ADAMTS7: variants seen among roughly 807,000 people sequenced by gnomAD.
ADAMTS7 encodes A disintegrin and metalloproteinase with thrombospondin motifs 7.
ADAMTS7 carries 89 observed loss-of-function variants against 172.6 expected under a neutral mutation model. That is an observed-to-expected ratio of 0.52 (90% CI 0.43 to 0.61). The LOEUF is 0.61. Ranked by LOEUF, ADAMTS7 falls within the 20% of genes least tolerant of loss-of-function variation. The pLI is 0.00. For missense variants in ADAMTS7, 1,973 were observed against 2,355.6 expected, an observed-to-expected ratio of 0.84 and a Z score of 3.36; for synonymous variants, 885 against 978.4, an observed-to-expected ratio of 0.90 and a Z score of 1.78.
At position 78,771,114 on chromosome 15, in the gene ADAMTS7, C is replaced by A; in HGVS notation, c.2518+48G>T. The A allele has an allele frequency of 6.5e-7, 1 of 1,541,180 alleles. No homozygotes were observed. Among genetic ancestry groups the A allele is most frequent in the East Asian group, 2.4e-5 (1 of 41,490 alleles). The stretch of plus-strand genomic sequence containing the variant: ...GGGAGCTGAAGCCAGTGTCCCTGTC[C>A]AGACACTAAGCCCCTGCAGGTGGGG... On this transcript the variant is annotated intron_variant, in intron 16 of 23. Transcript: ENST00000388820. This position sits in a 1 kb window ranked among gnomAD's most constrained non-coding sequence, Gnocchi z 4.9.
At chr15:78,794,044 G>A (rs112427226) in intron 4 of ADAMTS7, among the ~76,000 whole-genome samples, 2,000 of 152,220 alleles carry the variant, frequency 0.013, 23 homozygotes, top group Middle Eastern at 0.12. Context: ...GGGCAGAATA[G>A]CCTGGCCAAT....
intron 1 of ADAMTS7, among the ~76,000 whole-genome samples, chr15:78,807,526 G>A (rs141859046): frequency 5.6e-4 from 85 of 152,348 alleles, no homozygotes; most frequent in African/African-American, 2.0e-3. Context: ...TCTAGAGCCA[G>A]AGAGGCTGTG....
intron 23 of ADAMTS7, 151 bp downstream of exon 23, chr15:78,762,252 T>A (rs1447851857): frequency 9.3e-7 from 1 of 1,074,828 alleles, no homozygotes. Context: ...TCCTGTGGCA[T>A]CAGGATTTTC....
intron 8 of ADAMTS7, among the ~76,000 whole-genome samples, chr15:78,784,182 A>G (rs1567226514): frequency 1.3e-5 from 2 of 151,766 alleles, no homozygotes; most frequent in Non-Finnish European, 2.9e-5. Flanking sequence ...ACACGGCAAA[A>G]CCCCATCTCT....
At chr15:78,777,625 C>T (rs188136546) in intron 8 of ADAMTS7, 37 bp from the exon 9 acceptor site, 4 of 1,580,436 alleles carry the variant, frequency 2.5e-6, no homozygotes, top group Middle Eastern at 1.7e-4. Context: ...GGGGCGCAGC[C>T]TGTGAGACCC....
Position 78,798,824 on chromosome 15 carries a change from G to A in ADAMTS7, c.457-711C>T, listed in dbSNP as rs146298934. Among the ~76,000 whole-genome samples, 474 of 152,246 alleles carry A rather than the reference G, an allele frequency of 3.1e-3. 12 individuals carry two copies. In the East Asian group the frequency reaches 0.066, roughly 21 times the overall value. On this transcript the variant is annotated intron_variant, in intron 2 of 23. Transcript: ENST00000388820. ...CAGGAAAGAAGGTTTTATGTCCCTC[G>A]GACTTCCCCTCATAGGCACCAATTC...
intron 1 of ADAMTS7, among the ~76,000 whole-genome samples, chr15:78,804,349 C>T (rs2055762477): frequency 6.6e-6 from 1 of 152,200 alleles, no homozygotes; most frequent in Non-Finnish European, 1.5e-5. Context: ...GCTTTCCCCC[C>T]TCTTTTCCCT....
At chr15:78,761,188 G>A (rs1163880630) in intron 23 of ADAMTS7, among the ~76,000 whole-genome samples, 1 of 152,264 alleles carries the variant, frequency 6.6e-6, no homozygotes, top group African/African-American at 2.4e-5. Flanking sequence ...AGCGAGGCAT[G>A]GCAGGGGCCA....
chr15:78,797,096 C>T (rs1413710954), intron 3 of ADAMTS7, among the ~76,000 whole-genome samples: 2 of 152,222 alleles, frequency 1.3e-5, no homozygotes, highest in Non-Finnish European at 2.9e-5. Flanking sequence ...GGGAGGGGAA[C>T]TCCTGGGCCT....
At chr15:78,800,568 A>C in intron 1 of ADAMTS7, 21 bp from the exon 2 acceptor site, 5 of 1,567,060 alleles carry the variant, frequency 3.2e-6, no homozygotes, top group Non-Finnish European at 4.3e-6. Context: ...AGAACCACAA[A>C]CGCCTAGGCC....
At chr15:78,787,547 C>T (rs1265895668) in intron 8 of ADAMTS7, among the ~76,000 whole-genome samples, 3 of 152,056 alleles carry the variant, frequency 2.0e-5, no homozygotes, top group African/African-American at 7.2e-5. Flanking sequence ...GCCTGTAGTC[C>T]CAGCTACTCA....
chr15:78,790,584 G>A (rs1210754608), intron 6 of ADAMTS7, 86 bp downstream of exon 6: 13 of 1,560,900 alleles, frequency 8.3e-6, no homozygotes, highest in South Asian at 3.5e-5. Flanking sequence ...CTGACAGCAC[G>A]GCCCCCTCCT....
chr15:78,788,818 A>G (rs2055541188), intron 7 of ADAMTS7, among the ~76,000 whole-genome samples: 1 of 152,272 alleles, frequency 6.6e-6, no homozygotes. Flanking sequence ...AAAGGTCTCC[A>G]GAGACCATCC....
chr15:78,766,937 G>A lies in ADAMTS7; in HGVS notation c.2974C>T (p.Pro992Ser). The change falls in exon 19 of 24, where the codon CCA (proline) becomes TCA (serine). Residue 992 changes from proline (P) to serine (S), a missense_variant. Physicochemically the swap from Pro to Ser is moderately conservative, Grantham distance 74. Coordinates refer to ENST00000388820, the MANE Select transcript of ADAMTS7 (RefSeq NM_014272.5). ...GTGCCCAGGGGCCACCGACAGAGTG[G>A]CAGAGAGCAGGTGACTTCGCTGGCT... ...QPASEVTCSL[P>S]LCRWPLGTLG... The A allele has an allele frequency of 1.2e-6, 2 of 1,610,872 alleles. No homozygotes were observed. Among genetic ancestry groups the A allele is most frequent in the African/African-American group, 2.7e-5 (2 of 74,988 alleles).
chr15:78,801,419 TTCTC>T (rs899862705), intron 1 of ADAMTS7, among the ~76,000 whole-genome samples: 11 of 152,170 alleles, frequency 7.2e-5, no homozygotes, highest in Non-Finnish European at 1.6e-4. Context: ...TGGAACACTC[TTCTC>T]TCTGTTTTCC....
Position 78,811,298 on chromosome 15 carries a change from G to A in ADAMTS7, c.-78C>T. 4 of 1,217,270 alleles carry A rather than the reference G, an allele frequency of 3.3e-6. No homozygotes were observed. The highest frequency in any genetic ancestry group is 4.1e-6 in the Non-Finnish European group (4 of 978,606). 75.4% of individuals were successfully genotyped at this position (1,217,270 alleles called of 1,614,324 possible). On this transcript the variant is annotated 5_prime_UTR_variant, in exon 1 of 24. Coordinates refer to ENST00000388820, the MANE Select transcript of ADAMTS7 (RefSeq NM_014272.5). ...CCGTCCGGTCGCTGCCTGGTCCCAG[G>A]TCCGGCTCAGGACATGCCCGGCCGG...
chr15:78,776,049 T>C lies in ADAMTS7; in HGVS notation c.1706+139A>G, dbSNP rs560269127. 902 of 1,171,196 alleles carry C rather than the reference T, an allele frequency of 7.7e-4. 1 individual carries two copies. The highest frequency in any genetic ancestry group is 2.1e-3 in the Middle Eastern group (7 of 3,316). 72.6% of individuals were successfully genotyped at this position (1,171,196 alleles called of 1,614,324 possible). A position where few individuals can be genotyped will look rare whatever the true frequency, so the allele number is the denominator to read the frequency against. The stretch of plus-strand genomic sequence containing the variant: ...AACACTCCTTGAAAGTGACTTAAGG[T>C]GGCCTGGACACTCGGACTGACCATT... On this transcript the variant is annotated intron_variant, in intron 11 of 23. Transcript: ENST00000388820.
At position 78,773,283 on chromosome 15, in the gene ADAMTS7, A is replaced by G; in HGVS notation, c.2011-80T>C. On this transcript the variant is annotated intron_variant, in intron 13 of 23. Coordinates refer to ENST00000388820, the MANE Select transcript of ADAMTS7 (RefSeq NM_014272.5). ...CCCAGCCCCGGGGCCAGCCAGAGTC[A>G]GGAGAAGAAAGCTGGGAGTTGGGGT... 3 of 1,326,996 alleles carry G rather than the reference A, an allele frequency of 2.3e-6. No individual in the cohort carries two copies. The South Asian group carries it at 4.0e-5, about 18-fold the overall frequency. The allele number at this position is 1,326,996 out of a possible 1,614,324, so 82.2% of individuals were successfully genotyped here. A position where few individuals can be genotyped will look rare whatever the true frequency, so the allele number is the denominator to read the frequency against.
At chr15:78,780,896 C>T (rs1362556308) in intron 8 of ADAMTS7, among the ~76,000 whole-genome samples, 2 of 152,194 alleles carry the variant, frequency 1.3e-5, no homozygotes, top group Non-Finnish European at 2.9e-5. Context: ...CTGCATGCCT[C>T]AGTGCCAATC....
Sources: allele counts gnomAD v4.1 joint callset (sites outside exome capture counted in the v4.1 genomes callset), GRCh38; gene constraint gnomAD v4.1.1; non-coding constraint Gnocchi (gnomAD v3.1); transcripts MANE v1.5; gene names NCBI Gene and HGNC (gene_info 2026-07-23, HGNC 2026-07-21).